The following KCNIP4 variants were observed in gnomAD, a reference collection of about 807,000 sequenced individuals.
KCNIP4 encodes the protein potassium voltage-gated channel interacting protein 4.
In KCNIP4, 12 loss-of-function variants were observed where a neutral mutation model predicts 34.0. That is an observed-to-expected ratio of 0.35 (90% CI 0.23 to 0.57). The LOEUF (loss-of-function observed/expected upper bound fraction) is 0.57, where lower values mean the gene tolerates loss of function less well. KCNIP4 is among the 20% of genes least tolerant of loss of function. KCNIP4 has a pLI of 0.83. For missense variants in KCNIP4, 238 were observed against 311.7 expected, an observed-to-expected ratio of 0.76 and a Z score of 1.78; for synonymous variants, 124 against 102.2, an observed-to-expected ratio of 1.21 and a Z score of -1.29.
chr4:21,916,181 A>G (rs781506104), intron 1 of KCNIP4, among the ~76,000 whole-genome samples: 2 of 152,224 alleles, frequency 1.3e-5, no homozygotes, highest in African/African-American at 2.4e-5. Context: ...AGACGTGACT[A>G]TATGTGCCAC....
intron 1 of KCNIP4, among the ~76,000 whole-genome samples, chr4:21,370,389 A>C (rs1409950362): frequency 6.8e-6 from 1 of 146,890 alleles, no homozygotes; most frequent in Non-Finnish European, 1.5e-5. Flanking sequence ...ATGGCTGTAA[A>C]ACATAGACTA....
chr4:21,885,182 G>T (rs1376315006), intron 1 of KCNIP4, among the ~76,000 whole-genome samples: 1 of 152,086 alleles, frequency 6.6e-6, no homozygotes, highest in Non-Finnish European at 1.5e-5. Context: ...GCAAGAGGAA[G>T]AAAAGGAAAC....
intron 1 of KCNIP4, among the ~76,000 whole-genome samples, chr4:21,897,301 A>G (rs113417050): frequency 6.6e-4 from 100 of 152,294 alleles, no homozygotes; most frequent in African/African-American, 2.3e-3. Context: ...TTCTAATAAG[A>G]CAGTAAAAGA....
At chr4:21,903,986 G>A (rs1332262776) in intron 1 of KCNIP4, among the ~76,000 whole-genome samples, 1 of 152,086 alleles carries the variant, frequency 6.6e-6, no homozygotes, top group Non-Finnish European at 1.5e-5. Context: ...GACTTGCCTA[G>A]CAATTAACAA....
intron 1 of KCNIP4, among the ~76,000 whole-genome samples, chr4:21,479,442 A>C (rs936581238): frequency 1.3e-5 from 2 of 152,152 alleles, no homozygotes; most frequent in Non-Finnish European, 2.9e-5. Flanking sequence ...ATGCATGCTA[A>C]AGGAGTGTAC....
At chr4:21,501,002 C>T (rs561058283) in intron 1 of KCNIP4, among the ~76,000 whole-genome samples, 1 of 151,948 alleles carries the variant, frequency 6.6e-6, no homozygotes, top group East Asian at 1.9e-4. Context: ...TTTTAAGACA[C>T]TTTTTTGGGA....
At chr4:21,582,934 A>G (rs1293350193) in intron 1 of KCNIP4, among the ~76,000 whole-genome samples, 3 of 151,966 alleles carry the variant, frequency 2.0e-5, no homozygotes, top group African/African-American at 7.2e-5. Flanking sequence ...CCTAGATCAT[A>G]GCATTTTTAG....
intron 1 of KCNIP4, among the ~76,000 whole-genome samples, chr4:21,783,724 AC>A (rs1309144838): frequency 6.6e-6 from 1 of 152,194 alleles, no homozygotes; most frequent in African/African-American, 2.4e-5. Flanking sequence ...TAAAACAATC[AC>A]ATAATAGAAA....
At chr4:20,889,036 A>G (rs1477102390) in intron 1 of KCNIP4, among the ~76,000 whole-genome samples, 4 of 152,118 alleles carry the variant, frequency 2.6e-5, no homozygotes, top group South Asian at 2.1e-4. Flanking sequence ...TAGTGGGCCC[A>G]TGTTTAGTCT....
At chr4:21,905,104 T>A (rs944402027) in intron 1 of KCNIP4, among the ~76,000 whole-genome samples, 4 of 152,184 alleles carry the variant, frequency 2.6e-5, no homozygotes, top group African/African-American at 9.6e-5. Flanking sequence ...GATTTTTCCA[T>A]AATGACCCCA....
chr4:20,935,014 T>C (rs975132842), intron 1 of KCNIP4, among the ~76,000 whole-genome samples: 1 of 152,188 alleles, frequency 6.6e-6, no homozygotes, highest in African/African-American at 2.4e-5. Context: ...CATCTTCACA[T>C]GGCCTTCATT....
chr4:20,865,483 C>T (rs945500534), intron 2 of KCNIP4, among the ~76,000 whole-genome samples: 1 of 151,756 alleles, frequency 6.6e-6, no homozygotes, highest in Non-Finnish European at 1.5e-5. Context: ...CATCAATAAA[C>T]AAATGGATAA....
At chr4:21,452,197 TAAA>T (rs1408435382) in intron 1 of KCNIP4, among the ~76,000 whole-genome samples, 1 of 151,810 alleles carries the variant, frequency 6.6e-6, no homozygotes, top group Admixed American at 6.6e-5. Context: ...TAAAAGAAAA[TAAA>T]AAATTCTCCC....
intron 2 of KCNIP4, among the ~76,000 whole-genome samples, chr4:20,879,205 C>T (rs968213293): frequency 4.6e-5 from 7 of 152,136 alleles, no homozygotes; most frequent in African/African-American, 1.2e-4. Flanking sequence ...GTACTGCTGA[C>T]TCTATCCCTG....
At chr4:21,521,679 C>A (rs1735539702) in intron 1 of KCNIP4, among the ~76,000 whole-genome samples, 1 of 152,074 alleles carries the variant, frequency 6.6e-6, no homozygotes. Context: ...CTTGACTATT[C>A]ATTATCTTCA....
intron 1 of KCNIP4, among the ~76,000 whole-genome samples, chr4:21,705,242 A>G (rs1015568062): frequency 6.6e-6 from 1 of 152,132 alleles, no homozygotes; most frequent in Admixed American, 6.6e-5. Flanking sequence ...CATTCGCTAT[A>G]GAAGTGCAAC....
intron 1 of KCNIP4, among the ~76,000 whole-genome samples, chr4:21,135,315 C>G (rs1751420878): frequency 6.6e-6 from 1 of 152,192 alleles, no homozygotes; most frequent in Admixed American, 6.5e-5. Context: ...TATTAAATGA[C>G]TTCATAGACT....
intron 1 of KCNIP4, among the ~76,000 whole-genome samples, chr4:20,897,862 A>G (rs949461941): frequency 3.3e-5 from 5 of 151,962 alleles, no homozygotes; most frequent in Admixed American, 6.6e-5. Context: ...AGTCTTTGAC[A>G]TTTTCTTACG....
chr4:20,980,484 T>C (rs1735960268), intron 1 of KCNIP4, among the ~76,000 whole-genome samples: 1 of 152,242 alleles, frequency 6.6e-6, no homozygotes, highest in Non-Finnish European at 1.5e-5. Flanking sequence ...TAAAACTTTT[T>C]TTAAAACAAG....
Sources: allele counts gnomAD v4.1 joint callset (sites outside exome capture counted in the v4.1 genomes callset), GRCh38; gene constraint gnomAD v4.1.1; transcripts MANE v1.5; gene names NCBI Gene and HGNC (gene_info 2026-07-23, HGNC 2026-07-21).